The following CHST9 variants were observed in gnomAD, a reference collection of about 807,000 sequenced individuals.
The protein encoded by CHST9 is carbohydrate sulfotransferase 9, also known as GalNAc-4-sulfotransferase 2.
In CHST9, 41 loss-of-function variants were observed where a neutral mutation model predicts 44.4. The ratio of observed to expected loss-of-function variants is 0.92; its 90% CI spans 0.72 to 1.20. The LOEUF (loss-of-function observed/expected upper bound fraction) is 1.20. Ranked by LOEUF, CHST9 falls within the 50% of genes most tolerant of loss-of-function variation. The pLI is 0.00. For missense variants in CHST9, 504 were observed against 516.5 expected, an observed-to-expected ratio of 0.98 and a Z score of 0.23; for synonymous variants, 171 against 178.4, an observed-to-expected ratio of 0.96 and a Z score of 0.33.
chr18:27,159,748 AT>A (rs2058730503), intron 1 of CHST9, among the ~76,000 whole-genome samples: 1 of 152,288 alleles, frequency 6.6e-6, no homozygotes, highest in South Asian at 2.1e-4. Context: ...TGAGCATGGA[AT>A]GTTCTTCCAT....
chr18:27,109,962 T>C (rs1188631980), intron 2 of CHST9, among the ~76,000 whole-genome samples: 1 of 152,066 alleles, frequency 6.6e-6, no homozygotes, highest in Non-Finnish European at 1.5e-5. Flanking sequence ...AATGGGAAAG[T>C]CCAATTTCCT....
chr18:27,132,973 C>G (rs1481018986), intron 2 of CHST9, among the ~76,000 whole-genome samples: 1 of 152,214 alleles, frequency 6.6e-6, no homozygotes, highest in Non-Finnish European at 1.5e-5. Context: ...ACCTTTGCAT[C>G]AGACAGTCCA....
chr18:27,013,643 T>C (rs1419587052), intron 4 of CHST9, among the ~76,000 whole-genome samples: 4 of 152,214 alleles, frequency 2.6e-5, no homozygotes, highest in South Asian at 2.1e-4. Flanking sequence ...AATATCATTA[T>C]TGAGAATTTC....
Position 27,015,323 on chromosome 18 carries a change from TTGTGTGTGTGTG to T in CHST9, c.202+8781_202+8792del, listed in dbSNP as rs10690815. ...GTTTAAATGATCACCAGAGAGGCAG[TTGTGTGTGTGTG>T]TGTGTGTGTGTGTGTGTGTGTGTGC... On this transcript the variant is annotated intron_variant, in intron 4 of 5. Coordinates refer to ENST00000618847, the MANE Select transcript of CHST9 (RefSeq NM_031422.6). 7.5e-5 allele frequency among the ~76,000 whole-genome samples: 11 copies of T among 146,454 alleles called. No individual in the cohort carries two copies. The South Asian group carries it at 1.1e-3, about 15-fold the overall frequency.
chr18:26,989,732 T>C (rs1341217443), intron 4 of CHST9, among the ~76,000 whole-genome samples: 1 of 152,138 alleles, frequency 6.6e-6, no homozygotes, highest in Non-Finnish European at 1.5e-5. Flanking sequence ...TTTGGATTGC[T>C]TGAGGCCAGG....
At chr18:26,945,095 T>A (rs186955136) in intron 4 of CHST9, among the ~76,000 whole-genome samples, 7 of 152,130 alleles carry the variant, frequency 4.6e-5, no homozygotes, top group Admixed American at 6.5e-5. Flanking sequence ...AAACAAACCA[T>A]GAGAAAAGAA....
intron 3 of CHST9, among the ~76,000 whole-genome samples, chr18:27,025,507 C>T (rs1272150499): frequency 6.6e-6 from 1 of 152,082 alleles, no homozygotes; most frequent in African/African-American, 2.4e-5. Context: ...ACACTTGCAT[C>T]AATGATATGC....
intron 2 of CHST9, among the ~76,000 whole-genome samples, chr18:27,128,672 C>G (rs1423292728): frequency 1.3e-5 from 2 of 152,154 alleles, no homozygotes; most frequent in Non-Finnish European, 1.5e-5. Flanking sequence ...TAACTAGTAG[C>G]AAGATACTAC....
At chr18:27,153,292 G>A (rs2058672461) in intron 1 of CHST9, among the ~76,000 whole-genome samples, 1 of 152,102 alleles carries the variant, frequency 6.6e-6, no homozygotes, top group Admixed American at 6.5e-5. Context: ...AAATATGGTG[G>A]CTTAAAACAA....
chr18:27,029,693 T>C (rs1169147233), intron 3 of CHST9, among the ~76,000 whole-genome samples: 2 of 152,186 alleles, frequency 1.3e-5, no homozygotes, highest in East Asian at 1.9e-4. Flanking sequence ...ATAAATGCTA[T>C]GTTCATAGTT....
chr18:26,997,515 A>T (rs930207714), intron 4 of CHST9, among the ~76,000 whole-genome samples: 1 of 152,234 alleles, frequency 6.6e-6, no homozygotes, highest in Non-Finnish European at 1.5e-5. Flanking sequence ...ACAATGCAAG[A>T]TTTCTAGCTA....
At chr18:27,136,399 T>G (rs1364997717) in intron 2 of CHST9, among the ~76,000 whole-genome samples, 1 of 152,108 alleles carries the variant, frequency 6.6e-6, no homozygotes, top group Non-Finnish European at 1.5e-5. Flanking sequence ...CTGGAGTGAC[T>G]GCCCAGGCTG....
At chr18:27,000,403 T>C (rs1392398978) in intron 4 of CHST9, among the ~76,000 whole-genome samples, 1 of 152,244 alleles carries the variant, frequency 6.6e-6, no homozygotes, top group African/African-American at 2.4e-5. Flanking sequence ...ACGAAGGGAC[T>C]TATCAAAATT....
chr18:27,048,168 C>T (rs3902470), intron 3 of CHST9, among the ~76,000 whole-genome samples: 1 of 152,120 alleles, frequency 6.6e-6, no homozygotes, highest in Non-Finnish European at 1.5e-5. Context: ...ATCACAATGT[C>T]TGTATTTTAA....
chr18:27,111,771 T>C (rs944034589), intron 2 of CHST9, among the ~76,000 whole-genome samples: 3 of 152,100 alleles, frequency 2.0e-5, no homozygotes, highest in East Asian at 1.9e-4. Context: ...CACATCACCC[T>C]CCCCAAGGTG....
chr18:27,048,545 G>A, intron 2 of CHST9, 42 bp from the exon 3 acceptor site: 2 of 1,520,724 alleles, frequency 1.3e-6, no homozygotes, highest in Non-Finnish European at 1.8e-6. Context: ...ATGGAGTCAT[G>A]AGAATATGAT....
chr18:26,982,166 A>G (rs2056699129), intron 4 of CHST9, among the ~76,000 whole-genome samples: 1 of 152,292 alleles, frequency 6.6e-6, no homozygotes, highest in Non-Finnish European at 1.5e-5. Context: ...TCAACACTGA[A>G]AAGATTACAG....
chr18:27,053,208 AGGAGGAAGAGG>A (rs2057598441), intron 2 of CHST9, among the ~76,000 whole-genome samples: 7 of 133,290 alleles, frequency 5.3e-5, no homozygotes, highest in South Asian at 2.5e-4. Context: ...GAACAAGAAG[AGGAGGAAGAGG>A]AAGAAGAAGA....
At chr18:27,087,475 T>C (rs1365130311) in intron 2 of CHST9, among the ~76,000 whole-genome samples, 1 of 152,166 alleles carries the variant, frequency 6.6e-6, no homozygotes, top group African/African-American at 2.4e-5. Flanking sequence ...AATTATTCAA[T>C]CATTCATTTT....
Sources: allele counts gnomAD v4.1 joint callset (sites outside exome capture counted in the v4.1 genomes callset), GRCh38; gene constraint gnomAD v4.1.1; transcripts MANE v1.5; gene names NCBI Gene and HGNC (gene_info 2026-07-23, HGNC 2026-07-21).